ZC3HAV1: variants seen among roughly 807,000 people sequenced by gnomAD.
ZC3HAV1 encodes the protein zinc finger CCCH-type antiviral protein 1.
Under a neutral mutation model 86.6 loss-of-function variants are expected in ZC3HAV1, and 41 were observed. The ratio of observed to expected loss-of-function variants is 0.47; its 90% CI spans 0.37 to 0.61. ZC3HAV1 has a LOEUF of 0.61. Ranked by LOEUF, ZC3HAV1 falls within the 20% of genes least tolerant of loss-of-function variation. The pLI, the probability that ZC3HAV1 is intolerant of heterozygous loss-of-function variation, is 0.00. For missense variants in ZC3HAV1, 964 were observed against 1,141.1 expected (o/e 0.84, Z 2.24); for synonymous variants, 421 against 432.1 (o/e 0.97, Z 0.32).
At chr7:139,058,021 A>T (rs564704262) in intron 9 of ZC3HAV1, among the ~76,000 whole-genome samples, 1 of 152,118 alleles carries the variant, frequency 6.6e-6, no homozygotes, top group South Asian at 2.1e-4. Context: ...ATGAACAGTG[A>T]CGTGTGCCGT....
At chr7:139,084,212 G>A (rs756577960) in intron 2 of ZC3HAV1, among the ~76,000 whole-genome samples, 180 bp from the exon 3 acceptor site, 6 of 152,130 alleles carry the variant, frequency 3.9e-5, no homozygotes, top group Non-Finnish European at 8.8e-5. Flanking sequence ...GATTTACTTG[G>A]GGCAGAAGAG....
At chr7:139,064,762 C>T in intron 8 of ZC3HAV1, 117 bp downstream of exon 8, 1 of 1,536,202 alleles carries the variant, frequency 6.5e-7, no homozygotes, top group Non-Finnish European at 8.8e-7. Context: ...CACCGCCTTG[C>T]TAAATCTTGA....
intron 12 of ZC3HAV1, among the ~76,000 whole-genome samples, chr7:139,051,853 T>C (rs547031303): frequency 2.0e-4 from 31 of 152,354 alleles, no homozygotes; most frequent in Admixed American, 1.5e-3. Flanking sequence ...GACTGGCTGA[T>C]TGACTTCTTG....
chr7:139,079,440 T>C, intron 4 of ZC3HAV1, 30 bp downstream of exon 4: 1 of 1,614,082 alleles, frequency 6.2e-7, no homozygotes, highest in Middle Eastern at 1.6e-4. Context: ...ACAAATGTAC[T>C]AGCCCAAAGT....
chr7:139,091,660 A>C (rs1817439142), intron 1 of ZC3HAV1, among the ~76,000 whole-genome samples: 1 of 151,706 alleles, frequency 6.6e-6, no homozygotes, highest in Non-Finnish European at 1.5e-5. Flanking sequence ...TCTGTTGTCC[A>C]GGCTGGAGTG....
At chr7:139,107,153 G>T (rs1399385303) in intron 1 of ZC3HAV1, among the ~76,000 whole-genome samples, 1 of 152,158 alleles carries the variant, frequency 6.6e-6, no homozygotes, top group Non-Finnish European at 1.5e-5. Flanking sequence ...GAACATGCTA[G>T]AATGTTCCTT....
chr7:139,070,706 T>C (rs1437663351), intron 7 of ZC3HAV1, among the ~76,000 whole-genome samples: 1 of 120,880 alleles, frequency 8.3e-6, no homozygotes, highest in African/African-American at 3.3e-5. Flanking sequence ...CTGGGTTGGG[T>C]GCGGTGGCTT....
At position 139,046,630 on chromosome 7, in the gene ZC3HAV1, G is replaced by C. The variant is rs1392169091; in HGVS notation, c.*964C>G. 1 of 152,196 alleles carries C rather than the reference G, an allele frequency of 6.6e-6. No individual in the cohort carries two copies. Among genetic ancestry groups the C allele is most frequent in the Non-Finnish European group, 1.5e-5 (1 of 68,050 alleles). The allele number at this position is 152,196 out of a possible 1,614,324, so 9.4% of individuals were successfully genotyped here. ...GAGAGAGTCAACCTGGATGGAGTTT[G>C]TCCCCTAAATAAATGTAGCGATAAA... On this transcript the variant is annotated 3_prime_UTR_variant, in exon 13 of 13. Transcript: ENST00000242351.
At chr7:139,082,602 C>A (rs1461604443) in intron 3 of ZC3HAV1, among the ~76,000 whole-genome samples, 1 of 152,044 alleles carries the variant, frequency 6.6e-6, no homozygotes, top group East Asian at 1.9e-4. Flanking sequence ...CCCAAATATC[C>A]ATCGACAGAT....
At chr7:139,103,767 G>C (rs1817845866) in intron 1 of ZC3HAV1, among the ~76,000 whole-genome samples, 1 of 152,072 alleles carries the variant, frequency 6.6e-6, no homozygotes, top group African/African-American at 2.4e-5. Flanking sequence ...ACTGAACTGT[G>C]GTATAAATCC....
intron 1 of ZC3HAV1, among the ~76,000 whole-genome samples, chr7:139,095,150 C>A (rs987383288): frequency 2.6e-5 from 4 of 151,916 alleles, no homozygotes; most frequent in African/African-American, 9.7e-5. Flanking sequence ...AAAAAGGAAC[C>A]AGGATGTGTG....
chr7:139,079,825 C>G lies in ZC3HAV1; in HGVS notation c.1116G>C (p.Arg372Ser), dbSNP rs375071260. Residue 372 changes from arginine to serine, a missense_variant, in exon 4 of 13, where the codon AGG becomes AGC. Arg to Ser is a moderately radical substitution (Grantham distance 110, BLOSUM62 -1). Coordinates refer to ENST00000242351, the MANE Select transcript of ZC3HAV1 (RefSeq NM_020119.4). Reference sequence around the variant, plus strand: ...GCGTGGGAGAAAACACAGTCTTTCTCCTGGCGCCTTGGTCATTCGTCCAGG... The same window carrying G: ...GCGTGGGAGAAAACACAGTCTTTCTGCTGGCGCCTTGGTCATTCGTCCAGG... ...LTSWTNDQGA[R>S]RKTVFSPTLP... 1 of 1,614,010 alleles carries G rather than the reference C, an allele frequency of 6.2e-7. No individual in the cohort carries two copies. Among genetic ancestry groups the G allele is most frequent in the South Asian group, 1.1e-5 (1 of 91,078 alleles).
intron 7 of ZC3HAV1, among the ~76,000 whole-genome samples, chr7:139,071,834 T>C (rs1380300454): frequency 2.0e-5 from 3 of 152,200 alleles, no homozygotes; most frequent in Admixed American, 2.0e-4. Context: ...GATGGTTTGA[T>C]AAAATGTATC....
At chr7:139,089,536 G>T in intron 2 of ZC3HAV1, 88 bp downstream of exon 2, 1 of 1,446,612 alleles carries the variant, frequency 6.9e-7, no homozygotes, top group Non-Finnish European at 9.1e-7. Flanking sequence ...CATTAATTTT[G>T]AATTTTCTCT....
At chr7:139,063,831 T>G (rs1306107780) in intron 8 of ZC3HAV1, among the ~76,000 whole-genome samples, 1 of 151,886 alleles carries the variant, frequency 6.6e-6, no homozygotes, top group Non-Finnish European at 1.5e-5. Context: ...AAGTGCCAGA[T>G]ACGCCACTGA....
At chr7:139,060,766 C>A in intron 9 of ZC3HAV1, 1 of 1,296,904 alleles carries the variant, frequency 7.7e-7, no homozygotes, top group East Asian at 3.9e-5. Context: ...CAGCTCTTCA[C>A]AGCTGGAGAA....
intron 1 of ZC3HAV1, among the ~76,000 whole-genome samples, chr7:139,098,768 G>A (rs1199645156): frequency 6.6e-6 from 1 of 152,152 alleles, no homozygotes; most frequent in East Asian, 1.9e-4. Flanking sequence ...CCTGAGACCA[G>A]CTCCCCTGCT....
In ZC3HAV1 at chr7:139,054,015, A is replaced by C. The variant is rs201721838; in HGVS notation, c.2268T>G (p.Ile756Met). Residue 756 changes from isoleucine to methionine, a missense_variant, in exon 11 of 13, where the codon ATT (isoleucine) becomes ATG (methionine). Transcript: ENST00000242351. ...AGTTCTCGATCTTCTTTATCTTTTC[A>C]ATCTTGAAATTTTTCATGGAAGCTT... Reference protein sequence around the residue: ...HFKASMKNFKIEKIKKIENSE... With the variant: ...HFKASMKNFKMEKIKKIENSE... 2.5e-6 allele frequency: 4 copies of C among 1,608,730 alleles called. No homozygotes were observed. The highest frequency in any genetic ancestry group is 1.7e-6 in the Non-Finnish European group (2 of 1,178,736).
In ZC3HAV1 at chr7:139,073,857, T is replaced by G. The variant is rs1254265426; in HGVS notation, c.1871A>C (p.Glu624Ala). 1.1e-5 allele frequency: 17 copies of G among 1,610,628 alleles called. No individual in the cohort carries two copies. The highest frequency in any genetic ancestry group is 1.2e-5 in the Non-Finnish European group (14 of 1,177,904). ...CCTACAAGGAGGAACAGTGCTCACC[T>G]CTTCTCCATACTGAATCCATGTGCC... ...ESGTWIQYGEEKDKRKNSNVD... is the reference protein window; with the variant it reads ...ESGTWIQYGEAKDKRKNSNVD... Residue 624 changes from glutamate to alanine, a missense_variant and splice_region_variant, in exon 7 of 13, where the codon GAG (glutamate) becomes GCG (alanine). Coordinates refer to ENST00000242351, the MANE Select transcript of ZC3HAV1 (RefSeq NM_020119.4).
Sources: gnomAD v4.1 joint callset for allele counts (sites outside exome capture counted in the v4.1 genomes callset) on GRCh38, gnomAD v4.1.1 for gene constraint, MANE v1.5 for transcripts, NCBI Gene and HGNC (gene_info 2026-07-23, HGNC 2026-07-21) for gene names.